LPIN1: variants seen among roughly 807,000 people sequenced by gnomAD.
LPIN1 encodes lipin 1.
In LPIN1, 71 loss-of-function variants were observed where a neutral mutation model predicts 107.5. The observed-to-expected ratio is 0.66, with a 90% CI of 0.55 to 0.80. The LOEUF is 0.80. LPIN1 is among the 30% of genes least tolerant of loss of function. LPIN1 has a pLI of 0.00. For synonymous variants in LPIN1, 445 were observed against 452.6 expected (o/e 0.98, Z 0.21); for missense variants, 1,043 against 1,160.6 (o/e 0.90, Z 1.47).
intron 17 of LPIN1, among the ~76,000 whole-genome samples, chr2:11,813,780 G>C (rs1489111988): frequency 6.6e-6 from 1 of 152,056 alleles, no homozygotes; most frequent in African/African-American, 2.4e-5. Flanking sequence ...CCGGCGTGGT[G>C]GTGCATGTCT....
chr2:11,795,038 C>T (rs570099994), intron 13 of LPIN1, among the ~76,000 whole-genome samples: 4 of 152,276 alleles, frequency 2.6e-5, no homozygotes, highest in East Asian at 1.9e-4. Flanking sequence ...TATTTTCAAG[C>T]GTTTCTATCA....
intron 18 of LPIN1, chr2:11,816,630 G>A (rs982139858): frequency 6.6e-6 from 1 of 152,142 alleles, no homozygotes; most frequent in Non-Finnish European, 1.5e-5. Flanking sequence ...GATGGCCACC[G>A]GCCTGGTCCT....
Position 11,785,064 on chromosome 2 carries a change from G to C in LPIN1, c.1537G>C (p.Glu513Gln), listed in dbSNP as rs867989034. ...CTGCGGGGGCCTCAGCGACCACCGG[G>C]AGATCACGAAAGGTACCGCGGGCCT... ...SLCGGLSDHR[E>Q]ITKDAFLEQA... Residue 513 changes from glutamate (E) to glutamine (Q), a missense_variant, in exon 10 of 21, where the codon GAG becomes CAG. By Grantham distance (29) the Glu-to-Gln change is conservative. Coordinates refer to ENST00000674199, the MANE Select transcript of LPIN1 (RefSeq NM_001349206.2). 1 of 1,583,746 alleles carries C rather than the reference G, an allele frequency of 6.3e-7. No homozygotes were observed. Among genetic ancestry groups the C allele is most frequent in the East Asian group, 2.3e-5 (1 of 44,344 alleles).
In LPIN1 at chr2:11,803,932, C is replaced by G. The variant is rs1441247507; in HGVS notation, c.2014-491C>G. On this transcript the variant is annotated intron_variant, in intron 15 of 20. Transcript: ENST00000674199. This position sits in a 1 kb window ranked among gnomAD's most constrained non-coding sequence, Gnocchi z 4.2. ...GGCATGACTGATAACCAAGACTTCT[C>G]TTTTTCCAATTCGTGTCAGTATAAT... Among the ~76,000 whole-genome samples the G allele has an allele frequency of 6.6e-6, 1 of 152,084 alleles. No individual in the cohort carries two copies. The highest frequency in any genetic ancestry group is 1.5e-5 in the Non-Finnish European group (1 of 68,040).
intron 1 of LPIN1, among the ~76,000 whole-genome samples, chr2:11,759,192 T>TC (rs1669221448): frequency 1.3e-5 from 2 of 150,726 alleles, no homozygotes; most frequent in Non-Finnish European, 1.5e-5. Flanking sequence ...TTTCTTTCTT[T>TC]TCTTTCTTTC....
intron 17 of LPIN1, among the ~76,000 whole-genome samples, chr2:11,805,909 C>T (rs1678594424): frequency 6.6e-6 from 1 of 152,214 alleles, no homozygotes; most frequent in Admixed American, 6.5e-5. Flanking sequence ...GAAACACCCC[C>T]ATTCTAGCTT....
intron 1 of LPIN1, among the ~76,000 whole-genome samples, chr2:11,725,312 G>A (rs1664525294): frequency 6.6e-6 from 1 of 152,172 alleles, no homozygotes; most frequent in Non-Finnish European, 1.5e-5. Context: ...GAATGCTAAG[G>A]AATTGCCATT....
intron 17 of LPIN1, among the ~76,000 whole-genome samples, chr2:11,810,367 A>G (rs1443844915): frequency 6.6e-6 from 1 of 151,066 alleles, no homozygotes; most frequent in Admixed American, 6.6e-5. Context: ...AAAGCTCACC[A>G]CAGGTGGAAG....
rs144974905 is a variant in LPIN1, at chr2:11,811,099, G to C, written c.2250-3989G>C. ...CCCACCTGTCCTTCTGGGTATTGTTGGTTTTCCCCAAGCACCCTCTGCTTC... is the reference window on the plus strand; with the variant it reads ...CCCACCTGTCCTTCTGGGTATTGTTCGTTTTCCCCAAGCACCCTCTGCTTC... On this transcript the variant is annotated intron_variant, in intron 17 of 20. Transcript: ENST00000674199. Among the ~76,000 whole-genome samples the C allele has an allele frequency of 7.4e-4, 112 of 152,298 alleles. 1 individual carries two copies. The highest frequency in any genetic ancestry group is 2.6e-3 in the African/African-American group (107 of 41,568).
chr2:11,703,730 T>C (rs1662997884), intron 1 of LPIN1, among the ~76,000 whole-genome samples: 1 of 152,198 alleles, frequency 6.6e-6, no homozygotes, highest in African/African-American at 2.4e-5. Flanking sequence ...ACACACAAAC[T>C]AGACCTGCCT....
At chr2:11,777,731 G>T (rs1021351919) in intron 6 of LPIN1, among the ~76,000 whole-genome samples, 6 of 152,192 alleles carry the variant, frequency 3.9e-5, no homozygotes, top group Admixed American at 3.9e-4. Context: ...ACCCCTGTTC[G>T]GAGCAAGCTT....
chr2:11,759,118 A>AGCTTGCTT (rs1316167637), intron 1 of LPIN1, among the ~76,000 whole-genome samples: 3 of 147,990 alleles, frequency 2.0e-5, no homozygotes, highest in Admixed American at 6.7e-5. Flanking sequence ...TGAGCTAGCT[A>AGCTTGCTT]GCTTGCTTTC....
intron 6 of LPIN1, among the ~76,000 whole-genome samples, chr2:11,778,356 C>T (rs1294566201): frequency 6.6e-6 from 1 of 152,204 alleles, no homozygotes; most frequent in Admixed American, 6.5e-5. Context: ...CCACCCTCTG[C>T]CCCTTGGTGT....
chr2:11,801,469 G>T (rs141831660), intron 14 of LPIN1, among the ~76,000 whole-genome samples: 1 of 152,326 alleles, frequency 6.6e-6, no homozygotes, highest in East Asian at 1.9e-4. Context: ...GGTGGAATAG[G>T]AGGTCATTAT....
intron 1 of LPIN1, among the ~76,000 whole-genome samples, chr2:11,732,560 T>C (rs1318538328): frequency 1.3e-5 from 2 of 152,246 alleles, no homozygotes; most frequent in Non-Finnish European, 2.9e-5. Flanking sequence ...AATGGTTAGA[T>C]AATGTCTGCA....
At chr2:11,724,208 A>T (rs1344230438), upstream of LPIN1, 2 of 428,842 alleles carry the variant, frequency 4.7e-6, no homozygotes, top group East Asian at 3.2e-4. Flanking sequence ...CCCTCCTGAA[A>T]CCTGGCTCAC....
intron 20 of LPIN1, among the ~76,000 whole-genome samples, chr2:11,822,178 C>T (rs1183644856): frequency 6.6e-6 from 1 of 151,454 alleles, no homozygotes; most frequent in Non-Finnish European, 1.5e-5. Context: ...TGCCTATAAT[C>T]CCAGCACTTT....
intron 1 of LPIN1, among the ~76,000 whole-genome samples, chr2:11,698,552 G>A (rs994226477): frequency 7.2e-5 from 11 of 152,206 alleles, no homozygotes; most frequent in African/African-American, 2.4e-4. Context: ...ATCAGGCCCA[G>A]GTTGTTAAAA....
upstream of LPIN1, among the ~76,000 whole-genome samples, chr2:11,742,360 A>T (rs1041957854): frequency 1.5e-4 from 22 of 151,350 alleles, no homozygotes; most frequent in African/African-American, 5.1e-4. Flanking sequence ...GGAAGGGGGG[A>T]CTCTTAAGGG....
Sources: allele counts gnomAD v4.1 joint callset (sites outside exome capture counted in the v4.1 genomes callset), GRCh38; gene constraint gnomAD v4.1.1; non-coding constraint Gnocchi (gnomAD v3.1); transcripts MANE v1.5; gene names NCBI Gene and HGNC (gene_info 2026-07-23, HGNC 2026-07-21).